TSHZ3: variants seen among roughly 807,000 people sequenced by gnomAD.
The protein encoded by TSHZ3 is teashirt homolog 3.
TSHZ3 carries 10 observed loss-of-function variants against 64.5 expected under a neutral mutation model. The ratio of observed to expected loss-of-function variants is 0.16; its 90% CI spans 0.10 to 0.26. The LOEUF is 0.26. Among genes scored for constraint, TSHZ3 ranks in the 10% least tolerant of loss-of-function variants. The probability of loss-of-function intolerance (pLI) is 1.00; values close to 1 mark genes in which losing one functional copy is unlikely to be tolerated. For synonymous variants in TSHZ3, 608 were observed against 593.1 expected (o/e 1.03, Z -0.36); for missense variants, 1,242 against 1,421.7 (o/e 0.87, Z 2.03).
intron 1 of TSHZ3, among the ~76,000 whole-genome samples, chr19:31,283,049 AG>A (rs1255382953): frequency 5.9e-5 from 9 of 152,180 alleles, no homozygotes; most frequent in African/African-American, 2.2e-4. Context: ...AATAAAGGGA[AG>A]GGCTGGGCGC....
chr19:31,150,618 G>T (rs530151318), exon 7 of TSHZ3, among the ~76,000 whole-genome samples: 1 of 152,168 alleles, frequency 6.6e-6, no homozygotes, highest in African/African-American at 2.4e-5. Flanking sequence ...GGCCCACAGC[G>T]CACGGGGCAG....
intron 4 of TSHZ3, among the ~76,000 whole-genome samples, chr19:31,220,182 AT>A (rs1433883369): frequency 6.6e-6 from 1 of 152,218 alleles, no homozygotes; most frequent in Non-Finnish European, 1.5e-5. Context: ...GGTGTATGTT[AT>A]TTTTGTCAAA....
At chr19:31,156,116 C>T (rs1455225996) in intron 6 of TSHZ3, among the ~76,000 whole-genome samples, 1 of 152,186 alleles carries the variant, frequency 6.6e-6, no homozygotes, top group Non-Finnish European at 1.5e-5. Context: ...ACAATAAAAA[C>T]AGATGGGCCA....
At chr19:31,190,445 C>A (rs1568342276) in intron 5 of TSHZ3, among the ~76,000 whole-genome samples, 1 of 152,064 alleles carries the variant, frequency 6.6e-6, no homozygotes, top group Non-Finnish European at 1.5e-5. Context: ...CCCATACAGG[C>A]CACATCTTCA....
intron 1 of TSHZ3, among the ~76,000 whole-genome samples, chr19:31,312,924 T>G (rs1199981908): frequency 6.6e-6 from 1 of 152,242 alleles, no homozygotes; most frequent in African/African-American, 2.4e-5. Context: ...TCACGGCGTT[T>G]ATTTTTATGG....
At chr19:31,218,011 C>T (rs1975354837) in intron 4 of TSHZ3, among the ~76,000 whole-genome samples, 1 of 152,108 alleles carries the variant, frequency 6.6e-6, no homozygotes, top group African/African-American at 2.4e-5. Flanking sequence ...AGATCCAACA[C>T]CAAAGGCACA....
At chr19:31,160,440 C>T (rs967433206) in intron 5 of TSHZ3, among the ~76,000 whole-genome samples, 1 of 152,152 alleles carries the variant, frequency 6.6e-6, no homozygotes, top group African/African-American at 2.4e-5. Context: ...GTATCTAACT[C>T]CCAGCCATAA....
intron 5 of TSHZ3, among the ~76,000 whole-genome samples, chr19:31,176,831 A>G (rs1974614967): frequency 6.6e-6 from 1 of 152,068 alleles, no homozygotes; most frequent in Admixed American, 6.6e-5. Context: ...ACAACAAAAA[A>G]CACAACGAGA....
intron 6 of TSHZ3, among the ~76,000 whole-genome samples, chr19:31,152,816 G>C (rs1974258872): frequency 6.6e-6 from 1 of 152,152 alleles, no homozygotes; most frequent in Non-Finnish European, 1.5e-5. Flanking sequence ...AGAACCCAAT[G>C]GAGAGGCATC....
chr19:31,280,700 T>A (rs1379044176), intron 1 of TSHZ3, among the ~76,000 whole-genome samples: 2 of 152,226 alleles, frequency 1.3e-5, no homozygotes, highest in East Asian at 3.8e-4. Context: ...CCAACAGAGA[T>A]CCTGTCTTTC....
chr19:31,164,095 C>T (rs575385160), intron 5 of TSHZ3, among the ~76,000 whole-genome samples: 7 of 152,190 alleles, frequency 4.6e-5, no homozygotes, highest in African/African-American at 1.7e-4. Context: ...GACCCTTGAC[C>T]CCGACACCTT....
intron 1 of TSHZ3, among the ~76,000 whole-genome samples, chr19:31,254,440 C>T (rs1975882329): frequency 6.6e-6 from 1 of 152,180 alleles, no homozygotes; most frequent in Non-Finnish European, 1.5e-5. Context: ...GCTGTGGGCC[C>T]TGGAGGAAAG....
chr19:31,225,864 T>C (rs1975452710), intron 4 of TSHZ3, among the ~76,000 whole-genome samples: 2 of 152,174 alleles, frequency 1.3e-5, no homozygotes, highest in African/African-American at 4.8e-5. Flanking sequence ...CGGTGGCTCA[T>C]GCCCGTAACC....
chr19:31,284,045 G>A (rs913754933), intron 1 of TSHZ3, among the ~76,000 whole-genome samples: 4 of 152,128 alleles, frequency 2.6e-5, no homozygotes, highest in African/African-American at 4.8e-5. Flanking sequence ...GGGAAATTCC[G>A]CTACTGTCTC....
rs942725502 is a variant in TSHZ3, at chr19:31,279,351, C to T, written c.442G>A (p.Gly148Ser). Reference sequence around the variant, plus strand: ...CTGCTACTGCTGCTGCTGCTGCTGCCGTTGTTCTTCTCCGAGGAGGGCTGG... The same window carrying T: ...CTGCTACTGCTGCTGCTGCTGCTGCTGTTGTTCTTCTCCGAGGAGGGCTGG... ...LHQPSSEKNNGSSSSSSSSSS... is the reference protein window; with the variant it reads ...LHQPSSEKNNSSSSSSSSSSS... Residue 148 changes from glycine to serine, a missense_variant, in exon 2 of 2, where the codon GGC (glycine) becomes AGC (serine). Physicochemically the swap from Gly to Ser is moderately conservative, Grantham distance 56. This residue lies in a region of TSHZ3 where 555 missense variants were observed against 704.0 expected (regional missense o/e 0.79). Transcript: ENST00000240587. The surrounding 1 kb of genome is among the most constrained non-coding windows in gnomAD (Gnocchi z 6.4). The T allele has an allele frequency of 2.5e-6, 4 of 1,614,082 alleles. No individual in the cohort carries two copies. Among genetic ancestry groups the T allele is most frequent in the Admixed American group, 1.7e-5 (1 of 60,000 alleles).
Position 31,276,837 on chromosome 19 carries a change from T to C in TSHZ3, c.2956A>G (p.Arg986Gly), listed in dbSNP as rs200409726. 1 of 1,614,236 alleles carries C rather than the reference T, an allele frequency of 6.2e-7. No homozygotes were observed. Among genetic ancestry groups the C allele is most frequent in the African/African-American group, 1.3e-5 (1 of 75,060 alleles). ...FFCNDCASQIRTPSTYISHLE... is the reference protein window; with the variant it reads ...FFCNDCASQIGTPSTYISHLE... ...TGACTGATGTACGTGGAAGGAGTCC[T>C]GATTTGGGACGCACAATCGTTACAA... is the stretch of plus-strand genomic sequence containing the variant. The change falls in exon 2 of 2, where the codon AGG (arginine) becomes GGG (glycine). Residue 986 changes from arginine (R) to glycine (G), a missense_variant. Coordinates refer to ENST00000240587, the MANE Select transcript of TSHZ3 (RefSeq NM_020856.4).
chr19:31,227,168 TG>T (rs1372001531), intron 4 of TSHZ3, among the ~76,000 whole-genome samples: 1 of 151,674 alleles, frequency 6.6e-6, no homozygotes, highest in Non-Finnish European at 1.5e-5. Context: ...TTAGTAGATA[TG>T]GGGTTTCACT....
chr19:31,204,513 A>G (rs1296184159), intron 5 of TSHZ3, among the ~76,000 whole-genome samples: 1 of 152,110 alleles, frequency 6.6e-6, no homozygotes, highest in Non-Finnish European at 1.5e-5. Flanking sequence ...TGTCAAATAT[A>G]TCACTCCACT....
At chr19:31,325,086 G>C (rs532065579) in intron 1 of TSHZ3, among the ~76,000 whole-genome samples, 1 of 152,138 alleles carries the variant, frequency 6.6e-6, no homozygotes, top group African/African-American at 2.4e-5. Flanking sequence ...AGCCACCTCC[G>C]CTGTGCTCCG....
Sources: gnomAD v4.1 joint callset for allele counts (sites outside exome capture counted in the v4.1 genomes callset) on GRCh38, gnomAD v4.1.1 for gene constraint, gnomAD v4.1.1 regional missense constraint, Gnocchi (gnomAD v3.1) non-coding constraint, MANE v1.5 for transcripts, NCBI Gene and HGNC (gene_info 2026-07-23, HGNC 2026-07-21) for gene names.